TENT4B: variants seen among roughly 807,000 people sequenced by gnomAD.
The protein encoded by TENT4B is terminal nucleotidyltransferase 4B.
In TENT4B, 10 loss-of-function variants were observed where a neutral mutation model predicts 75.0. The observed-to-expected ratio is 0.13, with a 90% CI of 0.08 to 0.23. The LOEUF is 0.23. TENT4B is among the 10% of genes least tolerant of loss of function. The probability of loss-of-function intolerance (pLI) is 1.00; values close to 1 mark genes in which losing one functional copy is unlikely to be tolerated. For missense variants in TENT4B, 579 were observed against 893.8 expected (o/e 0.65, Z 4.49); for synonymous variants, 350 against 357.7 (o/e 0.98, Z 0.24).
intron 1 of TENT4B, among the ~76,000 whole-genome samples, chr16:50,201,947 C>G (rs1252115673): frequency 1.3e-5 from 2 of 148,692 alleles, no homozygotes; most frequent in Admixed American, 6.7e-5. Flanking sequence ...CCAGCCTAGA[C>G]AACATAGTGA....
chr16:50,205,008 T>G (rs548418600), intron 1 of TENT4B, among the ~76,000 whole-genome samples: 160 of 152,358 alleles, frequency 1.1e-3, no homozygotes, highest in African/African-American at 3.6e-3. Flanking sequence ...GAAGTGTGTC[T>G]GCAAGGCTAG....
At chr16:50,197,436 G>C (rs1215898383) in intron 1 of TENT4B, among the ~76,000 whole-genome samples, 1 of 152,126 alleles carries the variant, frequency 6.6e-6, no homozygotes, top group Non-Finnish European at 1.5e-5. Context: ...CTACAGGTGT[G>C]CACCACCACG....
chr16:50,198,119 T>TAAA (rs10682302), intron 1 of TENT4B, among the ~76,000 whole-genome samples: 20 of 134,148 alleles, frequency 1.5e-4, no homozygotes, highest in African/African-American at 5.1e-4. Context: ...AAAATATAAT[T>TAAA]AAAAAAAAAA....
chr16:50,206,072 T>G (rs1042105217), intron 1 of TENT4B, among the ~76,000 whole-genome samples: 1 of 152,212 alleles, frequency 6.6e-6, no homozygotes, highest in Non-Finnish European at 1.5e-5. Flanking sequence ...TGGATCCTGT[T>G]GATGGACATT....
intron 1 of TENT4B, among the ~76,000 whole-genome samples, chr16:50,209,010 C>T (rs946840390): frequency 5.9e-5 from 9 of 152,282 alleles, no homozygotes; most frequent in African/African-American, 9.6e-5. Context: ...GGATTACAGG[C>T]GTGAGCCACT....
intron 1 of TENT4B, among the ~76,000 whole-genome samples, chr16:50,183,827 C>T (rs1567489705): frequency 6.6e-6 from 1 of 151,880 alleles, no homozygotes; most frequent in African/African-American, 2.4e-5. Flanking sequence ...GGCAGATCAC[C>T]TGAGGTCAGG....
At position 50,223,282 on chromosome 16, in the gene TENT4B, C is replaced by T; in HGVS notation, c.1276C>T (p.Arg426Trp). The change falls in exon 7 of 12, where the codon CGG becomes TGG. Residue 426 changes from arginine (R) to tryptophan (W), a missense_variant. By Grantham distance (101) the Arg-to-Trp change is moderately radical. This residue lies in a region of TENT4B where 71 missense variants were observed against 210.6 expected (regional missense o/e 0.34). Transcript: ENST00000561678. ...CTTCAATTATTTAAAGACTGGCATC[C>T]GGATAAAGGATGGTGGTTCATATGT... ...RHFNYLKTGI[R>W]IKDGGSYVAK... The T allele has an allele frequency of 6.2e-7, 1 of 1,613,568 alleles. No homozygotes were observed. The highest frequency in any genetic ancestry group is 8.5e-7 in the Non-Finnish European group (1 of 1,179,664).
intron 1 of TENT4B, among the ~76,000 whole-genome samples, chr16:50,195,635 A>G (rs1296877107): frequency 2.0e-5 from 3 of 152,244 alleles, no homozygotes; most frequent in Non-Finnish European, 1.5e-5. Flanking sequence ...TTTTGTCATT[A>G]TTCAAGTTTT....
chr16:50,182,262 A>G (rs897473224), intron 1 of TENT4B, among the ~76,000 whole-genome samples: 2 of 152,304 alleles, frequency 1.3e-5, no homozygotes, highest in East Asian at 1.9e-4. Flanking sequence ...CTGCCATAAA[A>G]AAAGGAGAAA....
chr16:50,226,564 G>A (rs1469982798), intron 10 of TENT4B, among the ~76,000 whole-genome samples: 4 of 152,136 alleles, frequency 2.6e-5, no homozygotes, highest in Admixed American at 1.3e-4. Flanking sequence ...AAGTAGCTGG[G>A]ACTACAGGTG....
chr16:50,162,180 C>T (rs1435673591), intron 1 of TENT4B, among the ~76,000 whole-genome samples: 1 of 152,172 alleles, frequency 6.6e-6, no homozygotes, highest in Non-Finnish European at 1.5e-5. Flanking sequence ...CTGAACCACA[C>T]AATTTGTTTA....
intron 1 of TENT4B, among the ~76,000 whole-genome samples, chr16:50,156,420 C>A (rs1000163749): frequency 2.0e-5 from 3 of 151,838 alleles, no homozygotes; most frequent in African/African-American, 7.3e-5. Flanking sequence ...TCTCAGCTCA[C>A]CGCAACCTCT....
chr16:50,162,689 AT>A (rs1305402194), intron 1 of TENT4B, among the ~76,000 whole-genome samples: 4 of 152,172 alleles, frequency 2.6e-5, no homozygotes, highest in Non-Finnish European at 5.9e-5. Flanking sequence ...TAGCAGTAAC[AT>A]TTTAACTTTT....
intron 1 of TENT4B, among the ~76,000 whole-genome samples, chr16:50,204,246 GA>G: frequency 6.6e-6 from 1 of 152,290 alleles, no homozygotes; most frequent in African/African-American, 2.4e-5. Context: ...TACTGAGAGA[GA>G]AAAAGACTTG....
In TENT4B at chr16:50,230,244, C is replaced by G; in HGVS notation, c.*916C>G. The G allele has an allele frequency of 1.0e-6, 1 of 977,348 alleles. No individual in the cohort carries two copies. Among genetic ancestry groups the G allele is most frequent in the South Asian group, 4.8e-5 (1 of 21,042 alleles). The allele number at this position is 977,348 out of a possible 1,614,324, so 60.5% of individuals were successfully genotyped here. On this transcript the variant is annotated 3_prime_UTR_variant, in exon 12 of 12. Transcript: ENST00000561678. ...TCTTGGGCAATGGGCAATTACATGACTTTGTGTTTGCTTCCTTTGCAGTCT... is the reference window on the plus strand; with the variant it reads ...TCTTGGGCAATGGGCAATTACATGAGTTTGTGTTTGCTTCCTTTGCAGTCT...
intron 5 of TENT4B, 48 bp downstream of exon 5, chr16:50,217,711 T>C (rs1277968678): frequency 8.7e-7 from 1 of 1,147,934 alleles, no homozygotes; most frequent in African/African-American, 1.6e-5. Context: ...AAACGTAATT[T>C]TAAGATTCTG....
chr16:50,173,993 T>C lies in TENT4B; in HGVS notation c.638+19734T>C, dbSNP rs1334795223. 3.9e-5 allele frequency among the ~76,000 whole-genome samples: 6 copies of C among 152,096 alleles called. No homozygotes were observed. The East Asian group carries it at 1.2e-3, about 29-fold the overall frequency. On this transcript the variant is annotated intron_variant, in intron 1 of 11. Coordinates refer to ENST00000561678, the MANE Select transcript of TENT4B (RefSeq NM_001365324.3). Reference sequence around the variant, plus strand: ...ACAGGCGTGAGCCACTGCGCCTGGCTTTCATCTGCTTATTTGATATGTGTA... The same window carrying C: ...ACAGGCGTGAGCCACTGCGCCTGGCCTTCATCTGCTTATTTGATATGTGTA...
rs2037823457 is a variant in TENT4B at position 50,153,714 on chromosome 16, G to A, written c.93G>A (p.Arg31=). ...MQIWETTQGL[R]NLYFNHHCHS... is the part of the protein sequence containing the mutation. ...TCTGGGAGACGACCCAGGGGCTGAG[G>A]AACCTCTACTTCAACCACCACTGTC... is the stretch of plus-strand genomic sequence containing the variant. The change falls in exon 1 of 12, where the codon AGG becomes AGA. Residue 31 remains arginine (R), a synonymous_variant. Transcript: ENST00000561678. 1 of 1,040,736 alleles carries A rather than the reference G, an allele frequency of 9.6e-7. No individual in the cohort carries two copies. The highest frequency in any genetic ancestry group is 1.2e-6 in the Non-Finnish European group (1 of 867,524). The allele number at this position is 1,040,736 out of a possible 1,614,324, so 64.5% of individuals were successfully genotyped here. A position where few individuals can be genotyped will look rare whatever the true frequency, so the allele number is the denominator to read the frequency against.
chr16:50,226,677 A>G (rs1443517522), intron 10 of TENT4B, among the ~76,000 whole-genome samples: 2 of 152,134 alleles, frequency 1.3e-5, no homozygotes. Flanking sequence ...CGGCCTCCCA[A>G]AGTGCTGGGA....
Sources: gnomAD v4.1 joint callset for allele counts (sites outside exome capture counted in the v4.1 genomes callset) on GRCh38, gnomAD v4.1.1 for gene constraint, gnomAD v4.1.1 regional missense constraint, MANE v1.5 for transcripts, NCBI Gene and HGNC (gene_info 2026-07-23, HGNC 2026-07-21) for gene names.